DMXL2: variants seen among roughly 807,000 people sequenced by gnomAD.
DMXL2 encodes the protein Dmx like 2.
In DMXL2, 103 loss-of-function variants were observed where a neutral mutation model predicts 331.1. That is an observed-to-expected ratio of 0.31 (90% CI 0.27 to 0.37). The LOEUF (loss-of-function observed/expected upper bound fraction) is 0.37. DMXL2 is among the 10% of genes least tolerant of loss of function. DMXL2 has a pLI of 1.00. For synonymous variants in DMXL2, 1,281 were observed against 1,252.1 expected (o/e 1.02, Z -0.49); for missense variants, 3,171 against 3,642.9 (o/e 0.87, Z 3.33).
chr15:51,491,563 C>T lies in DMXL2; in HGVS notation c.4953+15G>A. ...TTTTTTTAATATAACTCAAAATCCACTAAAGAAAAGTTACCTTTTCAATGC... is the reference window on the plus strand; with the variant it reads ...TTTTTTTAATATAACTCAAAATCCATTAAAGAAAAGTTACCTTTTCAATGC... On this transcript the variant is annotated intron_variant, in intron 20 of 43. Coordinates refer to ENST00000560891, the MANE Select transcript of DMXL2 (RefSeq NM_001378457.1). The T allele has an allele frequency of 6.3e-7, 1 of 1,579,542 alleles. No homozygotes were observed. Among genetic ancestry groups the T allele is most frequent in the Non-Finnish European group, 8.6e-7 (1 of 1,169,502 alleles).
At chr15:51,474,852 T>C (rs952046382) in intron 27 of DMXL2, among the ~76,000 whole-genome samples, 18 of 152,040 alleles carry the variant, frequency 1.2e-4, no homozygotes, top group Non-Finnish European at 2.2e-4. Flanking sequence ...CAATTTCAAC[T>C]AATACATAAA....
At chr15:51,594,323 G>T (rs1390025469) in intron 1 of DMXL2, among the ~76,000 whole-genome samples, 1 of 152,152 alleles carries the variant, frequency 6.6e-6, no homozygotes, top group African/African-American at 2.4e-5. Context: ...AGAAGAAATG[G>T]ATAAATTCCT....
chr15:51,578,283 T>A (rs1403319240), intron 1 of DMXL2, among the ~76,000 whole-genome samples: 4 of 152,232 alleles, frequency 2.6e-5, no homozygotes, highest in Admixed American at 1.3e-4. Context: ...CTACATTATA[T>A]ATCAAAAAGA....
At chr15:51,553,765 A>T (rs1395034262) in intron 6 of DMXL2, among the ~76,000 whole-genome samples, 4 of 148,310 alleles carry the variant, frequency 2.7e-5, no homozygotes, top group African/African-American at 1.0e-4. Context: ...AGTATAGCAC[A>T]TATTGGATGC....
chr15:51,521,958 A>T (rs1268722760), intron 13 of DMXL2, among the ~76,000 whole-genome samples: 2 of 152,212 alleles, frequency 1.3e-5, no homozygotes, highest in Admixed American at 1.3e-4. Context: ...TGTTTTTACT[A>T]ATAGCAGCAC....
chr15:51,458,449 C>T, intron 36 of DMXL2, 57 bp downstream of exon 36: 1 of 1,564,642 alleles, frequency 6.4e-7, no homozygotes, highest in Non-Finnish European at 8.7e-7. Context: ...ATGTGCATAA[C>T]CATTTGGTGG....
intron 1 of DMXL2, among the ~76,000 whole-genome samples, chr15:51,621,777 T>C (rs1167963628): frequency 1.3e-5 from 2 of 152,210 alleles, no homozygotes; most frequent in African/African-American, 2.4e-5. Context: ...GATTAAAATA[T>C]TATCTAGGAG....
At chr15:51,483,431 G>C (rs2042161417) in intron 23 of DMXL2, among the ~76,000 whole-genome samples, 1 of 152,160 alleles carries the variant, frequency 6.6e-6, no homozygotes, top group Non-Finnish European at 1.5e-5. Context: ...TATGACTTTG[G>C]TCCTGCATGG....
At chr15:51,482,317 AT>A (rs1170774312) in intron 23 of DMXL2, among the ~76,000 whole-genome samples, 4 of 152,198 alleles carry the variant, frequency 2.6e-5, no homozygotes, top group Non-Finnish European at 4.4e-5. Context: ...TATTATAAAA[AT>A]ATCTATATTA....
chr15:51,535,184 CAT>C (rs1941198633), intron 13 of DMXL2, among the ~76,000 whole-genome samples: 1 of 152,136 alleles, frequency 6.6e-6, no homozygotes, highest in South Asian at 2.1e-4. Context: ...TAGATACTAA[CAT>C]ATATGACTTC....
chr15:51,478,592 G>A (rs773030011), intron 25 of DMXL2, among the ~76,000 whole-genome samples: 3 of 151,972 alleles, frequency 2.0e-5, no homozygotes, highest in African/African-American at 2.4e-5. Flanking sequence ...TGAGCCTGCC[G>A]TTTACGAGGC....
At chr15:51,457,548 C>G (rs982283194) in intron 36 of DMXL2, 82 bp from the exon 37 acceptor site, 2 of 1,471,996 alleles carry the variant, frequency 1.4e-6, no homozygotes, top group African/African-American at 2.8e-5. Flanking sequence ...CTTATGTACC[C>G]ATAGGACAAT....
At position 51,466,254 on chromosome 15, in the gene DMXL2, T is replaced by C. The variant is rs1226119993; in HGVS notation, c.7450A>G (p.Ser2484Gly). ...AAAAAGGCATCATCTTCTTCATCAC[T>C]ATGAATGCTTTCATCAGAATCATAT... Reference protein sequence around the residue: ...VIYDSDESIHSDEEDDAFFSD... With the variant: ...VIYDSDESIHGDEEDDAFFSD... The change falls in exon 30 of 44, where the codon AGT (serine) becomes GGT (glycine). Residue 2484 changes from serine to glycine, a missense_variant. By Grantham distance (56) the Ser-to-Gly change is moderately conservative. Coordinates refer to ENST00000560891, the MANE Select transcript of DMXL2 (RefSeq NM_001378457.1). The C allele has an allele frequency of 6.4e-7, 1 of 1,567,434 alleles. No homozygotes were observed. The highest frequency in any genetic ancestry group is 1.9e-5 in the Admixed American group (1 of 52,206).
At chr15:51,517,721 A>G (rs2047115003) in intron 13 of DMXL2, among the ~76,000 whole-genome samples, 1 of 152,214 alleles carries the variant, frequency 6.6e-6, no homozygotes, top group Non-Finnish European at 1.5e-5. Flanking sequence ...GTTGCCTCAG[A>G]AAGAAATGCC....
At chr15:51,496,366 TCA>T (rs1396836684) in intron 18 of DMXL2, among the ~76,000 whole-genome samples, 1 of 152,194 alleles carries the variant, frequency 6.6e-6, no homozygotes, top group Non-Finnish European at 1.5e-5. Flanking sequence ...GAGTTCTATT[TCA>T]TACAGTGTGG....
chr15:51,577,805 A>T (rs1311313334), intron 1 of DMXL2, among the ~76,000 whole-genome samples: 1 of 152,204 alleles, frequency 6.6e-6, no homozygotes, highest in African/African-American at 2.4e-5. Flanking sequence ...TGGTTATGCC[A>T]TGCTGTGCTA....
At chr15:51,603,805 T>G (rs886105866) in intron 1 of DMXL2, 1 of 151,908 alleles carries the variant, frequency 6.6e-6, no homozygotes, top group Non-Finnish European at 1.5e-5. Flanking sequence ...GAGGCGGAGC[T>G]TGCAGTGAGC....
At chr15:51,523,755 A>G (rs973997492) in intron 13 of DMXL2, among the ~76,000 whole-genome samples, 1 of 152,264 alleles carries the variant, frequency 6.6e-6, no homozygotes, top group African/African-American at 2.4e-5. Flanking sequence ...AATATCAGAA[A>G]GAGCATGGCC....
At chr15:51,564,082 T>C in intron 5 of DMXL2, 43 bp downstream of exon 5, 1 of 1,546,150 alleles carries the variant, frequency 6.5e-7, no homozygotes, top group South Asian at 1.3e-5. Flanking sequence ...TAGGAAGCAC[T>C]TGCTTTTAAT....
Sources: gnomAD v4.1 joint callset for allele counts (sites outside exome capture counted in the v4.1 genomes callset) on GRCh38, gnomAD v4.1.1 for gene constraint, MANE v1.5 for transcripts, NCBI Gene and HGNC (gene_info 2026-07-23, HGNC 2026-07-21) for gene names.